The following AGMO variants were observed in gnomAD, a reference collection of about 807,000 sequenced individuals.
AGMO encodes glyceryl-ether monooxygenase.
Under a neutral mutation model 60.2 loss-of-function variants are expected in AGMO, and 75 were observed. That is an observed-to-expected ratio of 1.25 (90% CI 1.03 to 1.51). The LOEUF (loss-of-function observed/expected upper bound fraction) is 1.51, where lower values mean the gene tolerates loss of function less well. Among genes scored for constraint, AGMO ranks in the 40% most tolerant of loss-of-function variants. The pLI is 0.00. For missense variants in AGMO, 763 were observed against 525.5 expected (o/e 1.45, Z -4.42); for synonymous variants, 261 against 177.1 (o/e 1.47, Z -3.76).
chr7:15,185,793 G>T, the AGMO span, among the ~76,000 whole-genome samples: 1 of 152,170 alleles, frequency 6.6e-6, no homozygotes, highest in Admixed American at 6.5e-5. Context: ...ACAGAATGAG[G>T]TTAATGGATT....
At chr7:15,395,149 G>C (rs564315007) in intron 5 of AGMO, among the ~76,000 whole-genome samples, 2 of 152,136 alleles carry the variant, frequency 1.3e-5, no homozygotes, top group Non-Finnish European at 2.9e-5. Flanking sequence ...GCCTACCAAT[G>C]ACAAAATCAA....
chr7:15,224,040 G>C (rs1212942736), intron 12 of AGMO, among the ~76,000 whole-genome samples: 3 of 151,942 alleles, frequency 2.0e-5, no homozygotes, highest in African/African-American at 7.3e-5. Context: ...TGATGTGTCA[G>C]AATTATTATA....
the AGMO span, among the ~76,000 whole-genome samples, chr7:15,136,355 G>A: frequency 5.9e-5 from 9 of 152,160 alleles, no homozygotes; most frequent in East Asian, 1.5e-3. Flanking sequence ...ACCCTTTCTT[G>A]CACCTTTCCT....
At chr7:15,275,073 T>C (rs1783740686) in intron 12 of AGMO, among the ~76,000 whole-genome samples, 1 of 152,114 alleles carries the variant, frequency 6.6e-6, no homozygotes, top group African/African-American at 2.4e-5. Flanking sequence ...TTGTTATTTC[T>C]TTTCTTTTGC....
intron 12 of AGMO, among the ~76,000 whole-genome samples, chr7:15,328,547 A>C (rs1208871818): frequency 6.6e-6 from 1 of 152,154 alleles, no homozygotes; most frequent in Non-Finnish European, 1.5e-5. Flanking sequence ...TTGAAAGACC[A>C]ATCTGTTGCT....
At chr7:15,247,723 T>G (rs573597265) in intron 12 of AGMO, among the ~76,000 whole-genome samples, 1 of 152,146 alleles carries the variant, frequency 6.6e-6, no homozygotes, top group Non-Finnish European at 1.5e-5. Flanking sequence ...ATCACTTTAT[T>G]ATATACTTTA....
At position 15,470,224 on chromosome 7, in the gene AGMO, A is replaced by C. The variant is rs143053655; in HGVS notation, c.410-39116T>G. On this transcript the variant is annotated intron_variant, in intron 3 of 12. Coordinates refer to ENST00000342526, the MANE Select transcript of AGMO (RefSeq NM_001004320.2). ...ATCTGGAAATATGCTCTGATATTTA[A>C]TCATTAGAAGATTATATTTAACCAT... Among the ~76,000 whole-genome samples, 77 of 152,180 alleles carry C rather than the reference A, an allele frequency of 5.1e-4. 2 individuals carry two copies. The East Asian group carries it at 0.011, about 23-fold the overall frequency.
At chr7:15,429,398 C>T (rs1781164375) in intron 4 of AGMO, among the ~76,000 whole-genome samples, 1 of 151,954 alleles carries the variant, frequency 6.6e-6, no homozygotes, top group Non-Finnish European at 1.5e-5. Context: ...AGGAAGAACG[C>T]CATGTGAAAA....
At chr7:15,440,852 T>A (rs375285574) in intron 3 of AGMO, among the ~76,000 whole-genome samples, 1 of 152,202 alleles carries the variant, frequency 6.6e-6, no homozygotes, top group East Asian at 1.9e-4. Flanking sequence ...AAAGTAATGT[T>A]ATGGATAAGA....
At chr7:15,340,439 A>T (rs1781806145) in intron 12 of AGMO, among the ~76,000 whole-genome samples, 1 of 152,232 alleles carries the variant, frequency 6.6e-6, no homozygotes, top group East Asian at 1.9e-4. Flanking sequence ...TACATAACAA[A>T]TTTTGGGCTT....
At chr7:15,351,014 T>C (rs565981615) in intron 12 of AGMO, among the ~76,000 whole-genome samples, 2 of 152,280 alleles carry the variant, frequency 1.3e-5, no homozygotes, top group African/African-American at 4.8e-5. Context: ...TAGCTCACTG[T>C]GGGCATGCAT....
intron 9 of AGMO, among the ~76,000 whole-genome samples, chr7:15,386,446 T>C (rs1783917620): frequency 6.6e-6 from 1 of 152,104 alleles, no homozygotes; most frequent in Non-Finnish European, 1.5e-5. Flanking sequence ...TGAAAAATAA[T>C]AAATCGATCA....
chr7:15,406,314 T>C (rs1474692105), intron 5 of AGMO, among the ~76,000 whole-genome samples: 4 of 144,766 alleles, frequency 2.8e-5, no homozygotes, highest in Non-Finnish European at 6.0e-5. Flanking sequence ...TATACATATA[T>C]ATGTGTATAT....
the AGMO span, among the ~76,000 whole-genome samples, chr7:15,151,260 C>A: frequency 6.6e-6 from 1 of 151,966 alleles, no homozygotes; most frequent in Non-Finnish European, 1.5e-5. Flanking sequence ...CTTATTTATT[C>A]ATTCAAAGAA....
chr7:15,184,859 GAAGGGAGGGAGGGAAGGAAGGAAGGAA>G, the AGMO span, among the ~76,000 whole-genome samples: 1 of 69,264 alleles, frequency 1.4e-5, no homozygotes, highest in South Asian at 7.2e-4. Flanking sequence ...AAGAAGGAAG[GAAGGGAGGGAGGGAAGGAAGGAAGGAA>G]TGAAGGAAAG....
the AGMO span, among the ~76,000 whole-genome samples, chr7:15,137,216 C>T: frequency 1.3e-5 from 2 of 152,144 alleles, no homozygotes; most frequent in Admixed American, 1.3e-4. Flanking sequence ...ACTTGTATCT[C>T]TAGAAAGCTT....
chr7:15,414,042 C>G (rs1277545033), intron 5 of AGMO, among the ~76,000 whole-genome samples: 2 of 152,094 alleles, frequency 1.3e-5, no homozygotes, highest in Non-Finnish European at 2.9e-5. Context: ...GAGTCTCACT[C>G]TGTCACCCAG....
At chr7:15,359,815 A>T (rs1454650168) in intron 12 of AGMO, among the ~76,000 whole-genome samples, 5 of 152,212 alleles carry the variant, frequency 3.3e-5, no homozygotes, top group Non-Finnish European at 7.3e-5. Context: ...TGAAATCATA[A>T]AATACAAAAA....
At chr7:15,301,551 T>A (rs1324855382) in intron 12 of AGMO, among the ~76,000 whole-genome samples, 2 of 151,342 alleles carry the variant, frequency 1.3e-5, no homozygotes. Context: ...TCAATACATT[T>A]TCTAAAACCA....
Sources: gnomAD v4.1 joint callset for allele counts (sites outside exome capture counted in the v4.1 genomes callset) on GRCh38, gnomAD v4.1.1 for gene constraint, MANE v1.5 for transcripts, NCBI Gene and HGNC (gene_info 2026-07-23, HGNC 2026-07-21) for gene names.